Variants in CSMD1 observed in about 807,000 individuals in gnomAD.
The protein encoded by CSMD1 is CUB and Sushi multiple domains 1, also known as CUB and sushi domain-containing protein 1.
A neutral mutation model predicts 417.5 loss-of-function variants in CSMD1; 213 were observed. The ratio of observed to expected loss-of-function variants is 0.51; its 90% CI spans 0.46 to 0.57. CSMD1 has a LOEUF of 0.57. CSMD1 is among the 20% of genes least tolerant of loss of function. CSMD1 has a pLI of 0.00. For missense variants in CSMD1, 6,923 were observed against 4,529.7 expected, an observed-to-expected ratio of 1.53 and a Z score of -15.17; for synonymous variants, 2,862 against 1,736.8, an observed-to-expected ratio of 1.65 and a Z score of -16.11.
At chr8:4,033,370 A>T (rs1043330123) in intron 3 of CSMD1, among the ~76,000 whole-genome samples, 10 of 152,070 alleles carry the variant, frequency 6.6e-5, no homozygotes, top group Non-Finnish European at 1.2e-4. Context: ...TGAACCCGGG[A>T]GGCGGAGCTT....
chr8:4,415,382 G>C (rs1433018133), intron 3 of CSMD1, among the ~76,000 whole-genome samples: 9 of 152,128 alleles, frequency 5.9e-5, no homozygotes, highest in Non-Finnish European at 1.3e-4. Flanking sequence ...TCTCTTCCTT[G>C]AGACCTTCTA....
rs184354499 is a variant in CSMD1, at chr8:2,983,429, G to A, written c.8378-4629C>T. ...TCTCTATCTCCTGACCTCGTGATCC[G>A]CCTGCCTCAGCCTCCCAAAGTGCCG... On this transcript the variant is annotated intron_variant, in intron 54 of 69. Transcript: ENST00000635120. Among the ~76,000 whole-genome samples the A allele has an allele frequency of 1.8e-4, 28 of 152,128 alleles. No individual in the cohort carries two copies. In the East Asian group the frequency reaches 4.1e-3, roughly 22 times the overall value.
chr8:4,334,371 G>C (rs1411184806), intron 3 of CSMD1, among the ~76,000 whole-genome samples: 6 of 152,116 alleles, frequency 3.9e-5, no homozygotes, highest in African/African-American at 1.2e-4. Flanking sequence ...CCTCCCTTAG[G>C]TGGTGGGCTT....
intron 3 of CSMD1, among the ~76,000 whole-genome samples, chr8:4,117,361 A>C (rs746101101): frequency 2.6e-5 from 4 of 151,148 alleles, no homozygotes; most frequent in African/African-American, 9.7e-5. Context: ...CTCATGCTTC[A>C]TAACACCGGG....
intron 2 of CSMD1, among the ~76,000 whole-genome samples, chr8:4,605,587 A>C (rs1800823129): frequency 6.6e-6 from 1 of 152,212 alleles, no homozygotes; most frequent in South Asian, 2.1e-4. Flanking sequence ...GGGAGGCAAA[A>C]TCATGAATAG....
chr8:3,690,199 A>G (rs535355663), intron 7 of CSMD1, among the ~76,000 whole-genome samples: 23 of 152,264 alleles, frequency 1.5e-4, no homozygotes, highest in Non-Finnish European at 3.4e-4. Context: ...TCTCTACAAA[A>G]AATACAAAAA....
intron 10 of CSMD1, among the ~76,000 whole-genome samples, chr8:3,500,636 C>T (rs1284100520): frequency 1.3e-5 from 2 of 152,014 alleles, no homozygotes; most frequent in Non-Finnish European, 2.9e-5. Flanking sequence ...GTGAAAAATC[C>T]ATAAAACTAA....
chr8:3,220,709 T>C (rs1798158979), intron 28 of CSMD1, among the ~76,000 whole-genome samples: 1 of 152,144 alleles, frequency 6.6e-6, no homozygotes, highest in Admixed American at 6.5e-5. Flanking sequence ...CGTGCACCTG[T>C]AGTCCCAGCT....
At chr8:4,950,058 AAAT>A (rs1808637570) in intron 1 of CSMD1, among the ~76,000 whole-genome samples, 1 of 152,106 alleles carries the variant, frequency 6.6e-6, no homozygotes, top group Non-Finnish European at 1.5e-5. Context: ...AAGAACCTAG[AAAT>A]AATACCTAGA....
chr8:4,502,832 G>A (rs1449030676), intron 2 of CSMD1, among the ~76,000 whole-genome samples: 2 of 152,120 alleles, frequency 1.3e-5, no homozygotes, highest in East Asian at 1.9e-4. Context: ...ATGACGGTGT[G>A]CTGCCCATAG....
chr8:4,677,713 C>T (rs964854093), intron 1 of CSMD1, among the ~76,000 whole-genome samples: 2 of 152,084 alleles, frequency 1.3e-5, no homozygotes, highest in African/African-American at 4.8e-5. Context: ...ATGCAGAAAA[C>T]CCATTAGAGT....
At chr8:3,669,245 C>T (rs548845230) in intron 7 of CSMD1, among the ~76,000 whole-genome samples, 1 of 152,308 alleles carries the variant, frequency 6.6e-6, no homozygotes, top group East Asian at 1.9e-4. Flanking sequence ...CACACTGCAT[C>T]AATCTGAGTG....
intron 3 of CSMD1, among the ~76,000 whole-genome samples, chr8:4,268,395 G>A (rs1342863290): frequency 6.6e-6 from 1 of 152,154 alleles, no homozygotes; most frequent in Non-Finnish European, 1.5e-5. Context: ...CTCTCAAGAG[G>A]AAGTAATTAT....
At chr8:4,633,299 T>C (rs566956999) in intron 2 of CSMD1, among the ~76,000 whole-genome samples, 8 of 152,088 alleles carry the variant, frequency 5.3e-5, no homozygotes, top group African/African-American at 1.4e-4. Flanking sequence ...CAGGCTGGAG[T>C]GCAGTGGTGC....
intron 3 of CSMD1, among the ~76,000 whole-genome samples, chr8:4,294,896 T>C (rs984058960): frequency 6.6e-6 from 1 of 151,822 alleles, no homozygotes; most frequent in Non-Finnish European, 1.5e-5. Context: ...TCAATGTGTA[T>C]GGAACGAAAG....
chr8:3,777,806 G>C (rs558739709), intron 5 of CSMD1, among the ~76,000 whole-genome samples: 2 of 147,342 alleles, frequency 1.4e-5, no homozygotes, highest in East Asian at 2.0e-4. Flanking sequence ...GAAGCGCAGA[G>C]TCTCAGTTCC....
chr8:4,912,135 A>AAAAAAAAAATAG (rs765904838), intron 1 of CSMD1, among the ~76,000 whole-genome samples: 1 of 115,612 alleles, frequency 8.6e-6, no homozygotes. Flanking sequence ...AAAAAAAAAA[A>AAAAAAAAAATAG]AAAAAAGAAA....
chr8:3,907,991 C>G (rs896690350), intron 5 of CSMD1, among the ~76,000 whole-genome samples: 3 of 152,038 alleles, frequency 2.0e-5, no homozygotes, highest in African/African-American at 7.2e-5. Context: ...GAAATGTGCT[C>G]TGATATGTTC....
At chr8:4,120,844 C>G (rs1331663212) in intron 3 of CSMD1, among the ~76,000 whole-genome samples, 1 of 152,138 alleles carries the variant, frequency 6.6e-6, no homozygotes, top group African/African-American at 2.4e-5. Flanking sequence ...AGGGAGAAGT[C>G]TTTTAAAATT....
Sources: gnomAD v4.1 joint callset for allele counts (sites outside exome capture counted in the v4.1 genomes callset) on GRCh38, gnomAD v4.1.1 for gene constraint, MANE v1.5 for transcripts, NCBI Gene and HGNC (gene_info 2026-07-23, HGNC 2026-07-21) for gene names.